The following ATL2 variants were observed in gnomAD, a reference collection of about 807,000 sequenced individuals.
The protein encoded by ATL2 is atlastin-2.
In ATL2, 31 loss-of-function variants were observed where a neutral mutation model predicts 73.9. The observed-to-expected ratio is 0.42, with a 90% CI of 0.32 to 0.57. The LOEUF (loss-of-function observed/expected upper bound fraction) is 0.57. Among genes scored for constraint, ATL2 ranks in the 20% least tolerant of loss-of-function variants. The probability of loss-of-function intolerance (pLI) is 0.14; values close to 1 mark genes in which losing one functional copy is unlikely to be tolerated. For missense variants in ATL2, 738 were observed against 702.6 expected (o/e 1.05, Z -0.57); for synonymous variants, 291 against 237.5 (o/e 1.23, Z -2.07).
In ATL2 at chr2:38,298,418, T is replaced by A; in HGVS notation, c.1358A>T (p.Glu453Val). The change falls in exon 12 of 13, where the codon GAA becomes GTA. Residue 453 changes from glutamate to valine, a missense_variant. Glu to Val is a moderately radical substitution (Grantham distance 121, BLOSUM62 -2). Transcript: ENST00000378954. ...RYQDQLEAEI[E>V]ETYANFIKHN... ...CTTTATAAAATTTGCATAGGTTTCT[T>A]CAATTTCAGCTTCAAGCTGGTCCTG... 1 of 1,614,220 alleles carries A rather than the reference T, an allele frequency of 6.2e-7. No homozygotes were observed.
intron 1 of ATL2, among the ~76,000 whole-genome samples, chr2:38,368,762 G>C (rs1001622577): frequency 1.3e-5 from 2 of 152,026 alleles, no homozygotes; most frequent in Non-Finnish European, 2.9e-5. Flanking sequence ...AGAAATACTG[G>C]GAAATGCTCA....
chr2:38,334,429 C>T (rs1045662677), intron 2 of ATL2, among the ~76,000 whole-genome samples: 2 of 151,652 alleles, frequency 1.3e-5, no homozygotes. Context: ...AGGCCGGGCA[C>T]GGTGGCTCAC....
At chr2:38,333,375 A>C (rs2148465566) in intron 2 of ATL2, among the ~76,000 whole-genome samples, 1 of 152,224 alleles carries the variant, frequency 6.6e-6, no homozygotes, top group East Asian at 1.9e-4. Flanking sequence ...GTAGGGAGTT[A>C]ATTACCTTAA....
chr2:38,294,863 TAAA>T lies in ATL2; in HGVS notation c.*1128_*1130del, dbSNP rs1450811788. On this transcript the variant is annotated 3_prime_UTR_variant, in exon 13 of 13. Coordinates refer to ENST00000378954, the MANE Select transcript of ATL2 (RefSeq NM_001135673.4). ...TGGAATACATACTTGAAAAATTCCTTAAAAAAGAATCACAAGTTTCATTTTATA... is the reference window on the plus strand; with the variant it reads ...TGGAATACATACTTGAAAAATTCCTTAAAGAATCACAAGTTTCATTTTATA... 1.3e-5 allele frequency: 2 copies of T among 152,120 alleles called. No homozygotes were observed. Among genetic ancestry groups the T allele is most frequent in the Non-Finnish European group, 2.9e-5 (2 of 68,030 alleles). 9.4% of individuals were successfully genotyped at this position (152,120 alleles called of 1,614,324 possible).
intron 9 of ATL2, among the ~76,000 whole-genome samples, chr2:38,307,813 A>G (rs1195635955): frequency 2.0e-5 from 3 of 152,234 alleles, no homozygotes; most frequent in Admixed American, 6.5e-5. Flanking sequence ...AGATCTGAAC[A>G]GACATTTCTC....
At chr2:38,368,523 A>AT (rs1671483854) in intron 1 of ATL2, among the ~76,000 whole-genome samples, 1 of 152,190 alleles carries the variant, frequency 6.6e-6, no homozygotes, top group Non-Finnish European at 1.5e-5. Context: ...AAGTGCTGGG[A>AT]TTACAGGCAT....
chr2:38,371,735 T>A (rs948278477), intron 1 of ATL2, among the ~76,000 whole-genome samples: 1 of 151,852 alleles, frequency 6.6e-6, no homozygotes, highest in African/African-American at 2.4e-5. Flanking sequence ...CTGTCTCTAT[T>A]AAAAATACAA....
intron 1 of ATL2, among the ~76,000 whole-genome samples, chr2:38,367,020 T>C (rs1671367634): frequency 6.6e-6 from 1 of 152,100 alleles, no homozygotes; most frequent in African/African-American, 2.4e-5. Context: ...TTATTTTTTT[T>C]AGCAACAGAG....
chr2:38,357,920 A>G (rs944812895), intron 1 of ATL2, among the ~76,000 whole-genome samples: 4 of 152,156 alleles, frequency 2.6e-5, no homozygotes, highest in African/African-American at 9.7e-5. Flanking sequence ...AAAACATACA[A>G]TTAAACCACT....
At chr2:38,327,921 G>A (rs566799645) in intron 2 of ATL2, among the ~76,000 whole-genome samples, 6 of 152,260 alleles carry the variant, frequency 3.9e-5, no homozygotes, top group African/African-American at 1.4e-4. Context: ...GGGTGAGAGA[G>A]TAAGATTCTG....
intron 9 of ATL2, among the ~76,000 whole-genome samples, chr2:38,308,965 T>C (rs188024843): frequency 1.3e-5 from 2 of 152,068 alleles, no homozygotes; most frequent in East Asian, 3.9e-4. Flanking sequence ...TAAGAGTACT[T>C]TACTTGAACC....
chr2:38,331,404 C>G (rs1009535548), intron 2 of ATL2, among the ~76,000 whole-genome samples: 1 of 147,180 alleles, frequency 6.8e-6, no homozygotes, highest in Non-Finnish European at 1.5e-5. Context: ...CCACTGCACT[C>G]CAGCCTAGCA....
intron 1 of ATL2, among the ~76,000 whole-genome samples, chr2:38,351,303 C>T (rs1438519879): frequency 1.3e-5 from 2 of 151,846 alleles, no homozygotes; most frequent in African/African-American, 2.4e-5. Context: ...AGAGGTTATA[C>T]GATGGTTAAA....
intron 1 of ATL2, among the ~76,000 whole-genome samples, chr2:38,360,376 C>T (rs1670944590): frequency 6.6e-6 from 1 of 151,720 alleles, no homozygotes. Context: ...GCCTTGACCC[C>T]CAAGGCTCAA....
At chr2:38,340,081 T>A (rs1040026881) in intron 2 of ATL2, among the ~76,000 whole-genome samples, 9 of 147,660 alleles carry the variant, frequency 6.1e-5, no homozygotes, top group Non-Finnish European at 7.4e-5. Flanking sequence ...GCCAAACACA[T>A]AATACCTATG....
At chr2:38,356,402 T>G (rs1420885069) in intron 1 of ATL2, among the ~76,000 whole-genome samples, 1 of 151,886 alleles carries the variant, frequency 6.6e-6, no homozygotes, top group African/African-American at 2.4e-5. Context: ...TTGCCCAGGC[T>G]GGTCTCGAAC....
At chr2:38,304,562 C>A (rs1667350746) in intron 9 of ATL2, among the ~76,000 whole-genome samples, 1 of 152,062 alleles carries the variant, frequency 6.6e-6, no homozygotes, top group African/African-American at 2.4e-5. Flanking sequence ...AAAGACGAAC[C>A]TATAAAAAAT....
intron 12 of ATL2, 42 bp from the exon 13 acceptor site, chr2:38,296,155 T>C: frequency 6.6e-7 from 1 of 1,508,502 alleles, no homozygotes; most frequent in Non-Finnish European, 8.9e-7. Context: ...AAACATGAGG[T>C]AAAAAAAGAG....
chr2:38,312,345 T>A (rs942287908), intron 7 of ATL2, among the ~76,000 whole-genome samples: 2 of 152,192 alleles, frequency 1.3e-5, no homozygotes, highest in African/African-American at 2.4e-5. Flanking sequence ...GAGTGAGTTA[T>A]CACGAGATCT....
Sources: allele counts gnomAD v4.1 joint callset (sites outside exome capture counted in the v4.1 genomes callset), GRCh38; gene constraint gnomAD v4.1.1; transcripts MANE v1.5; gene names NCBI Gene and HGNC (gene_info 2026-07-23, HGNC 2026-07-21).